VWA8: variants seen among roughly 807,000 people sequenced by gnomAD.
The protein encoded by VWA8 is von Willebrand factor A domain containing 8.
In VWA8, 221 loss-of-function variants were observed where a neutral mutation model predicts 241.5. The observed-to-expected ratio is 0.91, with a 90% confidence interval of 0.82 to 1.02. The LOEUF is 1.02. Ranked by LOEUF, VWA8 falls within the 50% of genes least tolerant of loss-of-function variation. The pLI is 0.00. For missense variants in VWA8, 2,322 were observed against 2,328.7 expected (o/e 1.00, Z 0.06); for synonymous variants, 852 against 827.1 (o/e 1.03, Z -0.52).
intron 37 of VWA8, among the ~76,000 whole-genome samples, chr13:41,660,053 A>G (rs1364640919): frequency 1.3e-5 from 2 of 152,158 alleles, no homozygotes; most frequent in Non-Finnish European, 2.9e-5. Flanking sequence ...TTTGGGCTCT[A>G]GCCTTCCCAT....
Position 41,615,218 on chromosome 13 carries a change from TGTGA to T in VWA8, c.4612-138_4612-135del, listed in dbSNP as rs2044613572. 5 of 811,392 alleles carry T rather than the reference TGTGA, an allele frequency of 6.2e-6. No individual in the cohort carries two copies. The Admixed American group carries it at 1.1e-4, about 19-fold the overall frequency. 50.3% of individuals were successfully genotyped at this position (811,392 alleles called of 1,614,324 possible). A position where few individuals can be genotyped will look rare whatever the true frequency, so the allele number is the denominator to read the frequency against. ...TCAGGCCACTGGACTTGATAAATGC[TGTGA>T]GTATTTGGCAAAAATTCCATCAGAT... On this transcript the variant is annotated intron_variant, in intron 37 of 44. Coordinates refer to ENST00000379310, the MANE Select transcript of VWA8 (RefSeq NM_015058.2).
intron 2 of VWA8, among the ~76,000 whole-genome samples, chr13:41,919,577 A>G (rs1469927849): frequency 6.6e-6 from 1 of 151,966 alleles, no homozygotes; most frequent in East Asian, 1.9e-4. Flanking sequence ...GGTAGCCCCC[A>G]ATCCCTGAAT....
At chr13:41,878,039 T>C (rs1441388244) in intron 9 of VWA8, among the ~76,000 whole-genome samples, 3 of 152,092 alleles carry the variant, frequency 2.0e-5, no homozygotes, top group African/African-American at 7.2e-5. Flanking sequence ...TTAAAAATAG[T>C]CTAATTAAGT....
intron 2 of VWA8, among the ~76,000 whole-genome samples, chr13:41,921,790 C>G (rs1325221390): frequency 6.6e-6 from 1 of 152,116 alleles, no homozygotes; most frequent in Non-Finnish European, 1.5e-5. Flanking sequence ...AAAGAGGACA[C>G]AAACAAATGG....
intron 12 of VWA8, among the ~76,000 whole-genome samples, chr13:41,856,269 G>A (rs1872744176): frequency 6.6e-6 from 1 of 152,196 alleles, no homozygotes; most frequent in Admixed American, 6.5e-5. Context: ...CCGGGAGGCA[G>A]ACACTACAGT....
intron 26 of VWA8, among the ~76,000 whole-genome samples, chr13:41,714,191 CTTTTTA>C (rs2045334906): frequency 6.6e-6 from 1 of 151,850 alleles, no homozygotes; most frequent in African/African-American, 2.4e-5. Flanking sequence ...ATCTAAAAAA[CTTTTTA>C]ATTTCCTTAG....
At chr13:41,832,254 C>T (rs147497592) in intron 13 of VWA8, among the ~76,000 whole-genome samples, 1 of 152,142 alleles carries the variant, frequency 6.6e-6, no homozygotes, top group Non-Finnish European at 1.5e-5. Flanking sequence ...TAATTGCCAC[C>T]CTGCAAGGTG....
Position 41,787,442 on chromosome 13 carries a change from T to C in VWA8, c.2165A>G (p.Tyr722Cys). The C allele has an allele frequency of 1.2e-6, 2 of 1,607,108 alleles. No homozygotes were observed. Among genetic ancestry groups the C allele is most frequent in the Non-Finnish European group, 1.7e-6 (2 of 1,174,592 alleles). The part of the protein sequence containing the change: ...DDNLEPELKD[Y>C]KCEVTSGTLR... ...GAGCCAAATCAAATACTTACATTTG[T>C]AATCCTTCAGTTCTGGCTCCAAATT... Residue 722 changes from tyrosine to cysteine, a missense_variant, in exon 18 of 45, where the codon TAC becomes TGC. Physicochemically the swap from Tyr to Cys is radical, Grantham distance 194. Coordinates refer to ENST00000379310, the MANE Select transcript of VWA8 (RefSeq NM_015058.2).
intron 24 of VWA8, 56 bp from the exon 25 acceptor site, chr13:41,721,631 A>G: frequency 6.5e-7 from 1 of 1,533,062 alleles, no homozygotes; most frequent in Non-Finnish European, 8.8e-7. Context: ...ACGATGTCAC[A>G]GGAAAAAATG....
At position 41,591,684 on chromosome 13, in the gene VWA8, A is replaced by T. The variant is rs1033207758; in HGVS notation, c.4987-919T>A. 7.3e-5 allele frequency among the ~76,000 whole-genome samples: 11 copies of T among 150,294 alleles called. 1 individual carries two copies. The highest frequency in any genetic ancestry group is 2.7e-4 in the African/African-American group (11 of 40,728). On this transcript the variant is annotated intron_variant, in intron 40 of 44. Transcript: ENST00000379310. Reference sequence around the variant, plus strand: ...ATGAACAGACACTTCTCAAAAGAAGACATTTATGCAGCCAAAAAACACATG... The same window carrying T: ...ATGAACAGACACTTCTCAAAAGAAGTCATTTATGCAGCCAAAAAACACATG...
At chr13:41,922,222 G>T (rs1335684111) in intron 2 of VWA8, among the ~76,000 whole-genome samples, 1 of 152,162 alleles carries the variant, frequency 6.6e-6, no homozygotes, top group African/African-American at 2.4e-5. Flanking sequence ...AGGAAAACTG[G>T]CTAGCCACAG....
intron 21 of VWA8, among the ~76,000 whole-genome samples, chr13:41,758,398 G>GTATGTATA (rs1555331263): frequency 2.4e-4 from 6 of 25,020 alleles, no homozygotes; most frequent in Admixed American, 1.1e-3. Flanking sequence ...ATATACGCTA[G>GTATGTATA]TATATATATA....
chr13:41,690,072 T>C (rs2045165315), intron 33 of VWA8, 94 bp downstream of exon 33: 7 of 1,080,736 alleles, frequency 6.5e-6, no homozygotes, highest in Admixed American at 2.8e-5. Context: ...AAACTTAACA[T>C]AGGCTGGTGT....
At chr13:41,852,986 T>C (rs917219216) in intron 12 of VWA8, among the ~76,000 whole-genome samples, 1 of 152,184 alleles carries the variant, frequency 6.6e-6, no homozygotes, top group Non-Finnish European at 1.5e-5. Context: ...GTGAAAAATG[T>C]CATTGGAATT....
In VWA8 at chr13:41,908,476, G is replaced by GA. The variant is rs201273016; in HGVS notation, c.373-781dup. 1.6e-3 allele frequency among the ~76,000 whole-genome samples: 245 copies of GA among 150,930 alleles called. 1 individual carries two copies. The highest frequency in any genetic ancestry group is 5.4e-3 in the African/African-American group (223 of 41,126). ...AACAAAGCAAGACTCCATCTCAAGG[G>GA]AAAAAAAACAAACAAACCCAATAAT... On this transcript the variant is annotated intron_variant, in intron 3 of 44. Coordinates refer to ENST00000379310, the MANE Select transcript of VWA8 (RefSeq NM_015058.2).
intron 4 of VWA8, among the ~76,000 whole-genome samples, chr13:41,893,652 G>T (rs1436700445): frequency 6.6e-6 from 1 of 152,162 alleles, no homozygotes; most frequent in African/African-American, 2.4e-5. Context: ...TTGGGAGGCT[G>T]AGGAGGGTGG....
At chr13:41,897,830 G>C (rs998714999) in intron 4 of VWA8, among the ~76,000 whole-genome samples, 3 of 152,146 alleles carry the variant, frequency 2.0e-5, no homozygotes, top group Admixed American at 1.3e-4. Flanking sequence ...TCCACACTGT[G>C]GAAGGGGACC....
chr13:41,877,079 T>TTG (rs1873933691), intron 9 of VWA8, among the ~76,000 whole-genome samples: 1 of 152,062 alleles, frequency 6.6e-6, no homozygotes, highest in South Asian at 2.1e-4. Context: ...GTCTGCTAGA[T>TTG]AAAACCACCA....
chr13:41,829,573 A>G (rs1187250701), intron 14 of VWA8, among the ~76,000 whole-genome samples: 1 of 151,466 alleles, frequency 6.6e-6, no homozygotes, highest in Non-Finnish European at 1.5e-5. Flanking sequence ...ACACATGCAC[A>G]CACACACACA....
Sources: gnomAD v4.1 joint callset for allele counts (sites outside exome capture counted in the v4.1 genomes callset) on GRCh38, gnomAD v4.1.1 for gene constraint, MANE v1.5 for transcripts, NCBI Gene and HGNC (gene_info 2026-07-23, HGNC 2026-07-21) for gene names.